The following CLIC4 variants were observed in gnomAD, a reference collection of about 807,000 sequenced individuals.
CLIC4 encodes CLIC family member 4.
CLIC4 carries 13 observed loss-of-function variants against 24.6 expected under a neutral mutation model. That is an observed-to-expected ratio of 0.53 (90% CI 0.34 to 0.84). CLIC4 has a LOEUF of 0.84. CLIC4 is among the 40% of genes least tolerant of loss of function. The probability of loss-of-function intolerance (pLI) is 0.01; values close to 1 mark genes in which losing one functional copy is unlikely to be tolerated. For missense variants in CLIC4, 227 were observed against 301.7 expected (o/e 0.75, Z 1.83); for synonymous variants, 104 against 111.3 (o/e 0.93, Z 0.41).
At chr1:24,820,067 G>GTGTATGTATA (rs1212033050) in intron 3 of CLIC4, among the ~76,000 whole-genome samples, 1 of 36,472 alleles carries the variant, frequency 2.7e-5, no homozygotes, top group African/African-American at 8.9e-5. Context: ...AAAAAAGTAT[G>GTGTATGTATA]TATATATATA....
Position 24,841,906 on chromosome 1 carries a change from C to T in CLIC4, c.*969C>T, listed in dbSNP as rs1168864001. ...TGTAAAAATTAACACAGAAATTAAC[C>T]TAAGGAATGAAGGGTGGGTTTGTCA... On this transcript the variant is annotated 3_prime_UTR_variant, in exon 6 of 6. Coordinates refer to ENST00000374379, the MANE Select transcript of CLIC4 (RefSeq NM_013943.3). 2 of 152,536 alleles carry T rather than the reference C, an allele frequency of 1.3e-5. No homozygotes were observed. The highest frequency in any genetic ancestry group is 2.9e-5 in the Non-Finnish European group (2 of 68,014). The allele number at this position is 152,536 out of a possible 1,614,324, so 9.4% of individuals were successfully genotyped here.
intron 4 of CLIC4, among the ~76,000 whole-genome samples, chr1:24,838,639 C>G (rs954060125): frequency 6.6e-6 from 1 of 152,110 alleles, no homozygotes; most frequent in Non-Finnish European, 1.5e-5. Flanking sequence ...GGCCAGTTAC[C>G]ACAATCATCT....
chr1:24,820,067 G>GTGTATGTATATATATATATA (rs1212033050), intron 3 of CLIC4, among the ~76,000 whole-genome samples: 1 of 36,472 alleles, frequency 2.7e-5, no homozygotes, highest in Non-Finnish European at 5.2e-5. Context: ...AAAAAAGTAT[G>GTGTATGTATATATATATATA]TATATATATA....
At chr1:24,804,777 A>C (rs1004016093) in intron 2 of CLIC4, among the ~76,000 whole-genome samples, 5 of 152,048 alleles carry the variant, frequency 3.3e-5, no homozygotes, top group Non-Finnish European at 7.4e-5. Context: ...CTTTACTCCT[A>C]AACTGTTATC....
At chr1:24,831,970 T>A (rs1639846300) in intron 4 of CLIC4, among the ~76,000 whole-genome samples, 1 of 152,164 alleles carries the variant, frequency 6.6e-6, no homozygotes, top group African/African-American at 2.4e-5. Context: ...AGAAGCATAT[T>A]AACTCTTGTT....
In CLIC4 at chr1:24,840,760, CT is replaced by C. The variant is rs1639933562; in HGVS notation, c.598-10del. On this transcript the variant is annotated splice_polypyrimidine_tract_variant and intron_variant, in intron 5 of 5. Transcript: ENST00000374379. ...AAATAAGTCTGTTAACTTTTGATCT[CT>C]TTGTATTTCAGGTGGTGGCCAAAAA... is the stretch of plus-strand genomic sequence containing the variant. 1.9e-6 allele frequency: 3 copies of C among 1,596,246 alleles called. No individual in the cohort carries two copies. Among genetic ancestry groups the C allele is most frequent in the Non-Finnish European group, 2.6e-6 (3 of 1,171,832 alleles).
At chr1:24,836,451 T>G (rs1639886193) in intron 4 of CLIC4, among the ~76,000 whole-genome samples, 1 of 150,668 alleles carries the variant, frequency 6.6e-6, no homozygotes, top group Non-Finnish European at 1.5e-5. Context: ...ATGGTAAAGC[T>G]GGGCCATAAA....
chr1:24,755,181 T>C (rs1389318128), intron 1 of CLIC4, among the ~76,000 whole-genome samples: 5 of 151,856 alleles, frequency 3.3e-5, no homozygotes, highest in Non-Finnish European at 7.4e-5. Flanking sequence ...TTGGTCAGGC[T>C]TGTCTTGAAC....
chr1:24,765,688 T>C (rs1407246767), intron 1 of CLIC4, among the ~76,000 whole-genome samples: 3 of 152,220 alleles, frequency 2.0e-5, no homozygotes, highest in Non-Finnish European at 4.4e-5. Context: ...CCGTATTGCA[T>C]GTAAAAAGTT....
At chr1:24,794,908 T>C (rs1639381870) in intron 1 of CLIC4, among the ~76,000 whole-genome samples, 1 of 152,222 alleles carries the variant, frequency 6.6e-6, no homozygotes, top group South Asian at 2.1e-4. Context: ...ATCTTCTGCA[T>C]ATGGTTAGCC....
intron 4 of CLIC4, among the ~76,000 whole-genome samples, chr1:24,831,528 C>G (rs1306649483): frequency 1.3e-5 from 2 of 152,212 alleles, no homozygotes; most frequent in African/African-American, 2.4e-5. Flanking sequence ...TGTTTGAATT[C>G]AGGCAACATT....
chr1:24,806,817 T>C (rs562764068), intron 2 of CLIC4, among the ~76,000 whole-genome samples: 31 of 152,348 alleles, frequency 2.0e-4, no homozygotes, highest in African/African-American at 6.5e-4. Flanking sequence ...CCTTATTTGA[T>C]TTAATCTTTA....
chr1:24,791,598 G>A (rs750907513), intron 1 of CLIC4, among the ~76,000 whole-genome samples: 2 of 152,064 alleles, frequency 1.3e-5, no homozygotes, highest in African/African-American at 2.4e-5. Context: ...AAATTGGGCC[G>A]GGCGGCGTGG....
chr1:24,808,513 C>T (rs4306080), intron 2 of CLIC4, among the ~76,000 whole-genome samples: 50,666 of 151,004 alleles, frequency 0.34, 8,909 homozygotes, highest in Middle Eastern at 0.51. Flanking sequence ...CCCCCGCCCC[C>T]GCCCTGCCGC....
rs181962495 is a variant in CLIC4, at chr1:24,808,763, G to A, written c.183-5331G>A. On this transcript the variant is annotated intron_variant, in intron 2 of 5. Transcript: ENST00000374379. ...GCGATCTCGGCTCACTGCAACCTCC[G>A]CCTCTCGGGTTCAAGCGATTCTCCT... Among the ~76,000 whole-genome samples the A allele has an allele frequency of 4.9e-4, 73 of 149,324 alleles. No individual in the cohort carries two copies. The East Asian group carries it at 0.012, about 24-fold the overall frequency.
At chr1:24,748,522 T>TTTTA (rs1553188247) in intron 1 of CLIC4, among the ~76,000 whole-genome samples, 1 of 146,130 alleles carries the variant, frequency 6.8e-6, no homozygotes, top group Non-Finnish European at 1.5e-5. Flanking sequence ...TTTTTTTTTT[T>TTTTA]AATGAGATGG....
intron 1 of CLIC4, among the ~76,000 whole-genome samples, chr1:24,758,035 AG>A (rs1423567457): frequency 6.6e-6 from 1 of 152,128 alleles, no homozygotes; most frequent in African/African-American, 2.4e-5. Flanking sequence ...CTGTGATTAC[AG>A]GTGTGAGCCA....
rs33955013 is a variant in CLIC4, at chr1:24,763,533, CAAAAAA to C, written c.72+17924_72+17929del. Among the ~76,000 whole-genome samples, 11 of 78,960 alleles carry C rather than the reference CAAAAAA, an allele frequency of 1.4e-4. No homozygotes were observed. In the Admixed American group the frequency reaches 1.6e-3, roughly 11 times the overall value. The allele number at this position is 78,960 out of a possible 152,430, so 51.8% of individuals were successfully genotyped here. ...CCATGACAGAGTGAGACTCCGTCTCCAAAAAAAAAAAAAAAAAAAAAGAATTAAGTT... is the reference window on the plus strand; with the variant it reads ...CCATGACAGAGTGAGACTCCGTCTCCAAAAAAAAAAAAAAAGAATTAAGTT... On this transcript the variant is annotated intron_variant, in intron 1 of 5. Coordinates refer to ENST00000374379, the MANE Select transcript of CLIC4 (RefSeq NM_013943.3).
At chr1:24,792,078 G>A (rs953897193) in intron 1 of CLIC4, among the ~76,000 whole-genome samples, 4 of 147,666 alleles carry the variant, frequency 2.7e-5, no homozygotes, top group African/African-American at 7.5e-5. Context: ...AAAGAAATTT[G>A]AATTTTTCCA....
Sources: gnomAD v4.1 joint callset for allele counts (sites outside exome capture counted in the v4.1 genomes callset) on GRCh38, gnomAD v4.1.1 for gene constraint, MANE v1.5 for transcripts, NCBI Gene and HGNC (gene_info 2026-07-23, HGNC 2026-07-21) for gene names.